RALGPS2: variants seen among roughly 807,000 people sequenced by gnomAD.
RALGPS2 encodes the protein Ral GEF with PH domain and SH3 binding motif 2, also known as ras-specific guanine nucleotide-releasing factor RalGPS2.
A neutral mutation model predicts 86.8 loss-of-function variants in RALGPS2; 43 were observed. That is an observed-to-expected ratio of 0.50 (90% CI 0.39 to 0.64). RALGPS2 has a LOEUF of 0.64. Ranked by LOEUF, RALGPS2 falls within the 30% of genes least tolerant of loss-of-function variation. RALGPS2 has a pLI of 0.00. For missense variants in RALGPS2, 536 were observed against 694.6 expected, an observed-to-expected ratio of 0.77 and a Z score of 2.57; for synonymous variants, 243 against 231.3, an observed-to-expected ratio of 1.05 and a Z score of -0.46.
rs1270434387 is a variant in RALGPS2, at chr1:178,890,433, CCT to C, written c.1247+738_1247+739del. Among the ~76,000 whole-genome samples, 5 of 151,872 alleles carry C rather than the reference CCT, an allele frequency of 3.3e-5. No homozygotes were observed. The East Asian group carries it at 7.7e-4, about 23-fold the overall frequency. On this transcript the variant is annotated intron_variant, in intron 14 of 19. Coordinates refer to ENST00000367635, the MANE Select transcript of RALGPS2 (RefSeq NM_152663.5). ...TGGCTTTTGACCAAAACAATTGCTC[CCT>C]TTTTTGTATATGAACTAAGTAACTA...
At chr1:178,763,382 A>G (rs1258351772) in intron 1 of RALGPS2, among the ~76,000 whole-genome samples, 2 of 152,204 alleles carry the variant, frequency 1.3e-5, no homozygotes, top group Non-Finnish European at 2.9e-5. Flanking sequence ...CCTGTGAAGA[A>G]TGTCATTGGT....
intron 19 of RALGPS2, among the ~76,000 whole-genome samples, chr1:178,907,334 G>GTA (rs1483176640): frequency 6.6e-6 from 1 of 152,106 alleles, no homozygotes; most frequent in East Asian, 1.9e-4. Flanking sequence ...AGTAGTCAGA[G>GTA]TATAGTTCTC....
intron 8 of RALGPS2, among the ~76,000 whole-genome samples, chr1:178,872,107 G>T (rs751621312): frequency 6.6e-6 from 1 of 152,128 alleles, no homozygotes; most frequent in Non-Finnish European, 1.5e-5. Flanking sequence ...TTACCTAGTT[G>T]CTGTAAGCTG....
At chr1:178,911,281 T>G (rs1331861024) in intron 19 of RALGPS2, among the ~76,000 whole-genome samples, 3 of 152,134 alleles carry the variant, frequency 2.0e-5, no homozygotes, top group African/African-American at 7.2e-5. Context: ...TGGTTATTTC[T>G]TTTTTTCTGC....
intron 14 of RALGPS2, among the ~76,000 whole-genome samples, chr1:178,890,850 C>A (rs922699833): frequency 6.6e-6 from 1 of 151,792 alleles, no homozygotes; most frequent in Non-Finnish European, 1.5e-5. Context: ...TTTCTTGCAA[C>A]CTTTACTTCT....
rs552377225 is a variant in RALGPS2 at position 178,916,675 on chromosome 1, G to A, written c.*316G>A. The A allele has an allele frequency of 1.9e-5, 6 of 321,444 alleles. No homozygotes were observed. The highest frequency in any genetic ancestry group is 9.7e-5 in the Admixed American group (2 of 20,604). 19.9% of individuals were successfully genotyped at this position (321,444 alleles called of 1,614,324 possible). A position where few individuals can be genotyped will look rare whatever the true frequency, so the allele number is the denominator to read the frequency against. ...AAATAGTGTGTGTGAATCTTCTGGC[G>A]GTGCTGTGCTTGGAATAGATCGTAG... On this transcript the variant is annotated 3_prime_UTR_variant, in exon 20 of 20. Transcript: ENST00000367635.
At chr1:178,853,614 TGAA>T in intron 8 of RALGPS2, 1 of 1,596,628 alleles carries the variant, frequency 6.3e-7, no homozygotes, top group Non-Finnish European at 8.5e-7. Context: ...TCCCAATTTC[TGAA>T]GAAGTTGACA....
intron 16 of RALGPS2, 126 bp from the exon 17 acceptor site, chr1:178,897,538 C>A: frequency 1.4e-6 from 1 of 702,570 alleles, no homozygotes; most frequent in Non-Finnish European, 2.5e-6. Flanking sequence ...AGAAGTGATA[C>A]AGCTCAACTC....
chr1:178,900,717 C>T (rs1054502193), intron 17 of RALGPS2, among the ~76,000 whole-genome samples: 3 of 151,892 alleles, frequency 2.0e-5, no homozygotes, highest in Non-Finnish European at 2.9e-5. Context: ...CCCATTAATA[C>T]GTAAAAACCA....
rs532285396 is a variant in RALGPS2, at chr1:178,807,746, A to C, written c.214-299A>C. 1.8e-3 allele frequency among the ~76,000 whole-genome samples: 277 copies of C among 152,314 alleles called. 4 individuals carry two copies. The highest frequency in any genetic ancestry group is 2.6e-3 in the Non-Finnish European group (177 of 68,016). ...CTTCACTGTATGTTGTGGGATGCTC[A>C]TCTTTATCTGTGGATCTTTTCCTCT... On this transcript the variant is annotated intron_variant, in intron 4 of 19. Coordinates refer to ENST00000367635, the MANE Select transcript of RALGPS2 (RefSeq NM_152663.5).
chr1:178,740,938 C>G (rs1182077441), intron 1 of RALGPS2, among the ~76,000 whole-genome samples: 1 of 152,188 alleles, frequency 6.6e-6, no homozygotes, highest in Non-Finnish European at 1.5e-5. Flanking sequence ...ATACTTCTCA[C>G]TGGGTTGATG....
At chr1:178,819,439 T>TAA (rs1655392852) in intron 6 of RALGPS2, among the ~76,000 whole-genome samples, 1 of 152,198 alleles carries the variant, frequency 6.6e-6, no homozygotes, top group Non-Finnish European at 1.5e-5. Context: ...ATCCTGCCCT[T>TAA]ACGCTCAGGC....
chr1:178,792,261 A>T (rs1030275080), intron 4 of RALGPS2, among the ~76,000 whole-genome samples: 7 of 152,192 alleles, frequency 4.6e-5, no homozygotes, highest in African/African-American at 1.7e-4. Context: ...ACATAGAAAA[A>T]AAGTTCACTC....
At chr1:178,745,301 AG>A (rs1156286027) in intron 1 of RALGPS2, among the ~76,000 whole-genome samples, 1 of 152,214 alleles carries the variant, frequency 6.6e-6, no homozygotes, top group Non-Finnish European at 1.5e-5. Flanking sequence ...GGAAATGTAA[AG>A]GACGTAGAAT....
chr1:178,820,711 T>C (rs531562081), intron 6 of RALGPS2, among the ~76,000 whole-genome samples: 1 of 152,372 alleles, frequency 6.6e-6, no homozygotes, highest in Admixed American at 6.5e-5. Flanking sequence ...CAGTCTAATA[T>C]GGTGCCTAGT....
chr1:178,845,588 C>A (rs1334279863), intron 8 of RALGPS2, among the ~76,000 whole-genome samples: 1 of 152,150 alleles, frequency 6.6e-6, no homozygotes, highest in Non-Finnish European at 1.5e-5. Context: ...TAGCTCTTCC[C>A]ATTGTTTCAG....
At chr1:178,733,580 G>A (rs1650516776) in intron 1 of RALGPS2, among the ~76,000 whole-genome samples, 1 of 152,246 alleles carries the variant, frequency 6.6e-6, no homozygotes, top group Non-Finnish European at 1.5e-5. Flanking sequence ...TGGCAAGAAT[G>A]TAGAGCATTT....
intron 5 of RALGPS2, among the ~76,000 whole-genome samples, chr1:178,810,480 G>A (rs1385694122): frequency 6.6e-6 from 1 of 151,128 alleles, no homozygotes; most frequent in African/African-American, 2.4e-5. Context: ...ATTTGAATTC[G>A]TAGTTGATAT....
intron 1 of RALGPS2, among the ~76,000 whole-genome samples, chr1:178,738,675 A>G (rs536559827): frequency 5.7e-4 from 87 of 152,350 alleles, no homozygotes; most frequent in African/African-American, 1.8e-3. Context: ...GACAATGGTT[A>G]TAATTCTTTG....
Sources: allele counts gnomAD v4.1 joint callset (sites outside exome capture counted in the v4.1 genomes callset), GRCh38; gene constraint gnomAD v4.1.1; transcripts MANE v1.5; gene names NCBI Gene and HGNC (gene_info 2026-07-23, HGNC 2026-07-21).